Variants in NEGR1 observed in about 807,000 individuals in gnomAD.
NEGR1 encodes IgLON family member 4.
NEGR1 carries 10 observed loss-of-function variants against 40.9 expected under a neutral mutation model. The observed-to-expected ratio is 0.24, with a 90% CI of 0.15 to 0.42. The LOEUF is 0.42. Ranked by LOEUF, NEGR1 falls within the 10% of genes least tolerant of loss-of-function variation. The probability of loss-of-function intolerance (pLI) is 1.00; values close to 1 mark genes in which losing one functional copy is unlikely to be tolerated. For synonymous variants in NEGR1, 185 were observed against 166.8 expected (o/e 1.11, Z -0.84); for missense variants, 352 against 438.9 (o/e 0.80, Z 1.77).
chr1:72,046,272 A>T (rs1647001357), intron 1 of NEGR1, among the ~76,000 whole-genome samples: 1 of 151,714 alleles, frequency 6.6e-6, no homozygotes, highest in African/African-American at 2.4e-5. Context: ...TTATAGGATG[A>T]AATGATAAAA....
chr1:71,990,918 A>ATATATAT (rs888701714), intron 1 of NEGR1, among the ~76,000 whole-genome samples: 3 of 104,206 alleles, frequency 2.9e-5, no homozygotes, highest in African/African-American at 8.2e-5. Flanking sequence ...ATATATATAT[A>ATATATAT]TTTTTTTTTT....
At chr1:71,844,514 G>C (rs1254143612) in intron 2 of NEGR1, among the ~76,000 whole-genome samples, 1 of 152,144 alleles carries the variant, frequency 6.6e-6, no homozygotes, top group Non-Finnish European at 1.5e-5. Context: ...TTCAGGTTTT[G>C]AAGAAGCTGC....
At chr1:72,253,477 T>C (rs1053382694) in intron 1 of NEGR1, among the ~76,000 whole-genome samples, 2 of 145,822 alleles carry the variant, frequency 1.4e-5, no homozygotes, top group Admixed American at 6.6e-5. Context: ...TGCTTCAATA[T>C]ATTATTATTT....
intron 6 of NEGR1, among the ~76,000 whole-genome samples, chr1:71,573,270 T>C (rs1391639806): frequency 6.6e-6 from 1 of 152,218 alleles, no homozygotes; most frequent in Non-Finnish European, 1.5e-5. Context: ...ACGAAGTATG[T>C]ACCACTCAGA....
At chr1:71,847,560 T>C (rs1659462946) in intron 2 of NEGR1, among the ~76,000 whole-genome samples, 1 of 152,212 alleles carries the variant, frequency 6.6e-6, no homozygotes, top group Non-Finnish European at 1.5e-5. Context: ...TTTAATTGTT[T>C]TGGGGCACCA....
rs1347499629 is a variant in NEGR1, at chr1:72,267,883, C to G, written c.176+14436G>C. On this transcript the variant is annotated intron_variant, in intron 1 of 6. Transcript: ENST00000357731. ...AGAAATGATGAAGAAAATAAACCTT[C>G]ATAGACTTTCAGAATATGTCAAAAA... Among the ~76,000 whole-genome samples the G allele has an allele frequency of 4.0e-5, 6 of 151,258 alleles. No homozygotes were observed. The South Asian group carries it at 1.0e-3, about 26-fold the overall frequency.
At position 71,769,435 on chromosome 1, in the gene NEGR1, C is replaced by A. The variant is rs550157098; in HGVS notation, c.535+6737G>T. 5.3e-5 allele frequency among the ~76,000 whole-genome samples: 8 copies of A among 152,258 alleles called. 1 individual carries two copies. The South Asian group carries it at 1.7e-3, about 32-fold the overall frequency. On this transcript the variant is annotated intron_variant, in intron 3 of 6. Coordinates refer to ENST00000357731, the MANE Select transcript of NEGR1 (RefSeq NM_173808.3). ...AATATGACTTGGCTGTGTCTTCACT[C>A]AAATCTCATCATAAACTATAGTTCC...
At chr1:72,177,790 G>C (rs114464410) in intron 1 of NEGR1, among the ~76,000 whole-genome samples, 1,944 of 143,278 alleles carry the variant, frequency 0.014, 44 homozygotes, top group African/African-American at 0.048. Flanking sequence ...TTTTGCTGTT[G>C]TTCAAGCCTT....
intron 2 of NEGR1, among the ~76,000 whole-genome samples, chr1:71,786,298 T>C (rs1656906072): frequency 6.6e-6 from 1 of 152,184 alleles, no homozygotes; most frequent in Non-Finnish European, 1.5e-5. Context: ...CATATGTTTA[T>C]ATAGATCCTA....
intron 1 of NEGR1, among the ~76,000 whole-genome samples, chr1:72,241,908 A>G (rs1024270904): frequency 1.3e-5 from 2 of 151,908 alleles, no homozygotes; most frequent in East Asian, 3.9e-4. Context: ...AACCTGCAAG[A>G]TAAGTCTATC....
intron 1 of NEGR1, among the ~76,000 whole-genome samples, chr1:72,274,217 A>C (rs1303989773): frequency 2.6e-5 from 4 of 152,030 alleles, no homozygotes; most frequent in Non-Finnish European, 5.9e-5. Flanking sequence ...TTAGGTTAAA[A>C]CACCACATAC....
chr1:71,721,753 G>C (rs915253742), intron 3 of NEGR1, among the ~76,000 whole-genome samples: 5 of 152,112 alleles, frequency 3.3e-5, no homozygotes, highest in Non-Finnish European at 7.4e-5. Context: ...ATGGAGAAAC[G>C]TTGAAGTAAA....
chr1:71,580,058 A>T (rs1420630778), intron 6 of NEGR1, among the ~76,000 whole-genome samples: 1 of 152,142 alleles, frequency 6.6e-6, no homozygotes, highest in Admixed American at 6.5e-5. Flanking sequence ...GAACCAACCC[A>T]AATATCCAAC....
chr1:71,923,504 G>C (rs17838073), intron 2 of NEGR1, among the ~76,000 whole-genome samples: 5 of 152,022 alleles, frequency 3.3e-5, no homozygotes, highest in African/African-American at 1.2e-4. Context: ...GAATGTGCAC[G>C]GGGAGTGTAT....
At chr1:71,984,586 A>C (rs1646379583) in intron 1 of NEGR1, among the ~76,000 whole-genome samples, 1 of 152,208 alleles carries the variant, frequency 6.6e-6, no homozygotes, top group Admixed American at 6.5e-5. Flanking sequence ...CCTTTGGCAA[A>C]TAATTTAATC....
At chr1:71,647,532 G>A (rs1214327616) in intron 4 of NEGR1, among the ~76,000 whole-genome samples, 1 of 151,908 alleles carries the variant, frequency 6.6e-6, no homozygotes, top group Non-Finnish European at 1.5e-5. Flanking sequence ...GGTGTTAGTA[G>A]ATGAATGGTG....
At chr1:72,228,583 C>T (rs1654263652) in intron 1 of NEGR1, among the ~76,000 whole-genome samples, 1 of 152,058 alleles carries the variant, frequency 6.6e-6, no homozygotes, top group Non-Finnish European at 1.5e-5. Flanking sequence ...ATGGAGAACC[C>T]TAATCAGTAC....
At chr1:72,247,865 G>A (rs539704079) in intron 1 of NEGR1, among the ~76,000 whole-genome samples, 2 of 152,260 alleles carry the variant, frequency 1.3e-5, no homozygotes, top group South Asian at 4.1e-4. Context: ...GGCTTAATCG[G>A]CTCACAGTTC....
chr1:71,934,688 A>C (rs573340017), intron 2 of NEGR1, among the ~76,000 whole-genome samples: 116 of 152,308 alleles, frequency 7.6e-4, no homozygotes, highest in African/African-American at 2.7e-3. Context: ...GGAAGATATG[A>C]GGTGAATCAG....
Sources: gnomAD v4.1 joint callset for allele counts (sites outside exome capture counted in the v4.1 genomes callset) on GRCh38, gnomAD v4.1.1 for gene constraint, MANE v1.5 for transcripts, NCBI Gene and HGNC (gene_info 2026-07-23, HGNC 2026-07-21) for gene names.